Variants in XKR4 observed in about 807,000 individuals in gnomAD.
XKR4 encodes XK related 4.
In XKR4, 12 loss-of-function variants were observed where a neutral mutation model predicts 53.9. The observed-to-expected ratio is 0.22, with a 90% CI of 0.14 to 0.36. The LOEUF (loss-of-function observed/expected upper bound fraction) is 0.36, where lower values mean the gene tolerates loss of function less well. Among genes scored for constraint, XKR4 ranks in the 10% least tolerant of loss-of-function variants. The pLI, the probability that XKR4 is intolerant of heterozygous loss-of-function variation, is 1.00. For synonymous variants in XKR4, 354 were observed against 362.4 expected, an observed-to-expected ratio of 0.98 and a Z score of 0.26; for missense variants, 799 against 859.5, an observed-to-expected ratio of 0.93 and a Z score of 0.88.
At chr8:55,373,554 G>T (rs1319999494) in intron 2 of XKR4, among the ~76,000 whole-genome samples, 1 of 152,162 alleles carries the variant, frequency 6.6e-6, no homozygotes, top group African/African-American at 2.4e-5. Flanking sequence ...CCTACACTAG[G>T]GTTGAAAAGT....
chr8:55,159,105 C>T (rs2129356746), intron 1 of XKR4, among the ~76,000 whole-genome samples: 1 of 152,276 alleles, frequency 6.6e-6, no homozygotes, highest in South Asian at 2.1e-4. Flanking sequence ...TCATTCTGTT[C>T]ATGAGTATGG....
chr8:55,296,598 A>C (rs552371174), intron 1 of XKR4, among the ~76,000 whole-genome samples: 7 of 152,190 alleles, frequency 4.6e-5, no homozygotes, highest in Non-Finnish European at 8.8e-5. Flanking sequence ...ATCCAATTCC[A>C]GTGCAAATTT....
intron 2 of XKR4, among the ~76,000 whole-genome samples, chr8:55,479,452 G>A (rs1447311765): frequency 6.6e-6 from 1 of 151,990 alleles, no homozygotes; most frequent in African/African-American, 2.4e-5. Context: ...AAGCAGGAAA[G>A]ATCCAAAATT....
intron 1 of XKR4, among the ~76,000 whole-genome samples, chr8:55,157,846 A>G (rs1372220759): frequency 6.6e-6 from 1 of 151,706 alleles, no homozygotes; most frequent in East Asian, 2.0e-4. Flanking sequence ...GCTGCAAAGG[A>G]CATGATCTCT....
At chr8:55,187,280 G>A (rs1817390861) in intron 1 of XKR4, among the ~76,000 whole-genome samples, 3 of 138,028 alleles carry the variant, frequency 2.2e-5, no homozygotes, top group African/African-American at 8.4e-5. Flanking sequence ...CTCTTCTCTA[G>A]TGGGAAAATC....
At chr8:55,269,926 G>A (rs1333482465) in intron 1 of XKR4, among the ~76,000 whole-genome samples, 1 of 152,196 alleles carries the variant, frequency 6.6e-6, no homozygotes, top group East Asian at 1.9e-4. Flanking sequence ...AATAGATCAG[G>A]GAAGAGGTTA....
At chr8:55,105,335 A>C (rs998867142) in intron 1 of XKR4, among the ~76,000 whole-genome samples, 2 of 148,474 alleles carry the variant, frequency 1.3e-5, no homozygotes. Flanking sequence ...TCATACAGAA[A>C]AGTTATTTCA....
At chr8:55,103,439 G>A (rs1401852393) in intron 1 of XKR4, 145 bp downstream of exon 1, 10 of 1,407,726 alleles carry the variant, frequency 7.1e-6, no homozygotes, top group Non-Finnish European at 9.2e-6. Context: ...TTTGAACTGG[G>A]GCTTGCATTT....
At position 55,105,072 on chromosome 8, in the gene XKR4, T is replaced by A. The variant is rs184352919; in HGVS notation, c.806+1778T>A. 1.5e-3 allele frequency among the ~76,000 whole-genome samples: 225 copies of A among 152,316 alleles called. 1 individual carries two copies. The highest frequency in any genetic ancestry group is 5.3e-3 in the African/African-American group (219 of 41,574). On this transcript the variant is annotated intron_variant, in intron 1 of 2. Coordinates refer to ENST00000327381, the MANE Select transcript of XKR4 (RefSeq NM_052898.2). ...TGTAAATAATTCAAATACTTCTCTA[T>A]CCTGTTAACTGAAAAACTGTAATTT...
At chr8:55,334,839 G>T (rs1803436376) in intron 1 of XKR4, among the ~76,000 whole-genome samples, 1 of 152,122 alleles carries the variant, frequency 6.6e-6, no homozygotes, top group Non-Finnish European at 1.5e-5. Flanking sequence ...GGGGTTATGT[G>T]ACCTCTAGTC....
At chr8:55,441,283 T>A (rs1805262513) in intron 2 of XKR4, among the ~76,000 whole-genome samples, 2 of 151,856 alleles carry the variant, frequency 1.3e-5, no homozygotes, top group African/African-American at 4.8e-5. Flanking sequence ...TTGTCAGTGA[T>A]AGAAGGTAAT....
At chr8:55,225,276 A>T (rs930970982) in intron 1 of XKR4, among the ~76,000 whole-genome samples, 1 of 152,248 alleles carries the variant, frequency 6.6e-6, no homozygotes, top group African/African-American at 2.4e-5. Context: ...AAAGATGATG[A>T]CTAACTCTAC....
At chr8:55,408,148 A>G (rs927978802) in intron 2 of XKR4, among the ~76,000 whole-genome samples, 6 of 152,202 alleles carry the variant, frequency 3.9e-5, no homozygotes, top group Non-Finnish European at 5.9e-5. Context: ...ATTAGTAAAA[A>G]AGGGATGAGA....
At chr8:55,487,136 GA>G (rs1169788238) in intron 2 of XKR4, among the ~76,000 whole-genome samples, 2 of 152,202 alleles carry the variant, frequency 1.3e-5, no homozygotes, top group Non-Finnish European at 2.9e-5. Context: ...TCAGAGCCAG[GA>G]AATCCAATGA....
intron 1 of XKR4, among the ~76,000 whole-genome samples, chr8:55,110,259 G>T (rs146152741): frequency 2.8e-3 from 424 of 152,218 alleles, no homozygotes; most frequent in African/African-American, 9.7e-3. Context: ...CTCTTAAATG[G>T]CATTGCATGA....
chr8:55,407,037 C>T (rs2129390639), intron 2 of XKR4, among the ~76,000 whole-genome samples: 1 of 152,344 alleles, frequency 6.6e-6, no homozygotes, highest in East Asian at 1.9e-4. Context: ...AAACCAGAAA[C>T]ATGGCCAAGG....
intron 2 of XKR4, among the ~76,000 whole-genome samples, chr8:55,402,656 A>G (rs1455001301): frequency 3.9e-5 from 6 of 152,166 alleles, no homozygotes; most frequent in African/African-American, 1.4e-4. Flanking sequence ...TCACTGTGAA[A>G]ATATGGACCA....
At chr8:55,214,300 T>C (rs569555052) in intron 1 of XKR4, among the ~76,000 whole-genome samples, 2 of 152,336 alleles carry the variant, frequency 1.3e-5, no homozygotes, top group South Asian at 4.1e-4. Flanking sequence ...ATCGTAAACA[T>C]GCTGAGGGCA....
chr8:55,194,894 T>A (rs1162262394), intron 1 of XKR4, among the ~76,000 whole-genome samples: 1 of 152,200 alleles, frequency 6.6e-6, no homozygotes, highest in Admixed American at 6.5e-5. Context: ...TTCATAAAAT[T>A]AAAGGAGGGC....
Sources: gnomAD v4.1 joint callset for allele counts (sites outside exome capture counted in the v4.1 genomes callset) on GRCh38, gnomAD v4.1.1 for gene constraint, MANE v1.5 for transcripts, NCBI Gene and HGNC (gene_info 2026-07-23, HGNC 2026-07-21) for gene names.